Variants in SIK3 observed in about 807,000 individuals in gnomAD.
SIK3 encodes the protein serine/threonine-protein kinase SIK3.
A neutral mutation model predicts 144.2 loss-of-function variants in SIK3; 28 were observed. The observed-to-expected ratio is 0.19, with a 90% CI of 0.14 to 0.27. The LOEUF is 0.27. Among genes scored for constraint, SIK3 ranks in the 10% least tolerant of loss-of-function variants. SIK3 has a pLI of 1.00. For synonymous variants in SIK3, 686 were observed against 676.3 expected (o/e 1.01, Z -0.22); for missense variants, 1,319 against 1,776.0 (o/e 0.74, Z 4.62).
chr11:117,074,137 C>A (rs1954399532), intron 1 of SIK3, among the ~76,000 whole-genome samples: 1 of 152,186 alleles, frequency 6.6e-6, no homozygotes, highest in African/African-American at 2.4e-5. Flanking sequence ...CTTTGGCTTA[C>A]CATACTACTG....
Position 116,869,978 on chromosome 11 carries a change from T to C in SIK3, c.1808+353A>G, listed in dbSNP as rs1460479006. On this transcript the variant is annotated intron_variant, in intron 14 of 24. Coordinates refer to ENST00000445177, the MANE Select transcript of SIK3 (RefSeq NM_001366686.3). ...GATCACTGTCATCCCACATCTCCAATTCCTTTTCAGTAAACAGTTCTTGGC... is the reference window on the plus strand; with the variant it reads ...GATCACTGTCATCCCACATCTCCAACTCCTTTTCAGTAAACAGTTCTTGGC... The C allele has an allele frequency of 4.7e-6, 3 of 631,768 alleles. No homozygotes were observed. The Admixed American group carries it at 9.3e-5, about 19-fold the overall frequency. 39.1% of individuals were successfully genotyped at this position (631,768 alleles called of 1,614,324 possible). A position where few individuals can be genotyped will look rare whatever the true frequency, so the allele number is the denominator to read the frequency against.
At chr11:116,987,526 G>C (rs1950364735) in intron 1 of SIK3, among the ~76,000 whole-genome samples, 1 of 152,108 alleles carries the variant, frequency 6.6e-6, no homozygotes, top group Non-Finnish European at 1.5e-5. Flanking sequence ...CAGAGGTATG[G>C]AAAAGAATAA....
Position 116,857,851 on chromosome 11 carries a change from T to C in SIK3, c.3614A>G (p.Gln1205Arg). 6.2e-7 allele frequency: 1 copy of C among 1,614,244 alleles called. No individual in the cohort carries two copies. The highest frequency in any genetic ancestry group is 8.5e-7 in the Non-Finnish European group (1 of 1,180,052). Residue 1205 changes from glutamine to arginine, a missense_variant, in exon 21 of 25, where the codon CAG becomes CGG. By Grantham distance (43) the Gln-to-Arg change is conservative (BLOSUM62 1). This residue lies in a region of SIK3 where 646 missense variants were observed against 763.7 expected (regional missense o/e 0.85). Transcript: ENST00000445177. Reference protein sequence around the residue: ...QELGIHPYGHQPTAAFSKNKV... With the variant: ...QELGIHPYGHRPTAAFSKNKV... ...ATTTTTACTGAATGCAGCAGTTGGCTGATGACCATAGGGATGTATCCCCAA... is the reference window on the plus strand; with the variant it reads ...ATTTTTACTGAATGCAGCAGTTGGCCGATGACCATAGGGATGTATCCCCAA...
chr11:116,875,537 G>A, intron 9 of SIK3, 86 bp from the exon 10 acceptor site: 1 of 1,415,822 alleles, frequency 7.1e-7, no homozygotes, highest in Non-Finnish European at 9.7e-7. Context: ...GATTGCTAAA[G>A]TCTATGTTTC....
chr11:116,883,934 A>T (rs1944676319), intron 6 of SIK3, among the ~76,000 whole-genome samples: 1 of 146,130 alleles, frequency 6.8e-6, no homozygotes, highest in Non-Finnish European at 1.5e-5. Flanking sequence ...ACTCTGTCTT[A>T]AAAAAAAAAA....
At chr11:116,973,130 T>C (rs978574100) in intron 1 of SIK3, among the ~76,000 whole-genome samples, 1 of 152,128 alleles carries the variant, frequency 6.6e-6, no homozygotes. Flanking sequence ...TGTACAGCCT[T>C]CTGAGACCCT....
intron 1 of SIK3, among the ~76,000 whole-genome samples, chr11:117,044,883 C>T (rs1952891860): frequency 6.6e-6 from 1 of 152,010 alleles, no homozygotes; most frequent in African/African-American, 2.4e-5. Context: ...ACCCCCATTT[C>T]TAAAAAACAA....
chr11:117,013,503 T>C (rs539649922), intron 1 of SIK3, among the ~76,000 whole-genome samples: 1 of 152,136 alleles, frequency 6.6e-6, no homozygotes, highest in Admixed American at 6.6e-5. Flanking sequence ...AAACTTTGTA[T>C]ACCAAACTGG....
intron 1 of SIK3, among the ~76,000 whole-genome samples, chr11:116,983,324 G>A (rs933985042): frequency 3.3e-5 from 5 of 151,474 alleles, no homozygotes; most frequent in Non-Finnish European, 7.4e-5. Context: ...TTGAGGTCAG[G>A]AGTTCGAGAC....
chr11:116,860,982 G>A (rs994170774), intron 19 of SIK3, among the ~76,000 whole-genome samples: 8 of 152,190 alleles, frequency 5.3e-5, no homozygotes, highest in African/African-American at 1.7e-4. Context: ...CAGCCATGTG[G>A]AACTGTGAGT....
chr11:116,877,122 G>T (rs1944298042), intron 6 of SIK3, 80 bp from the exon 7 acceptor site: 9 of 1,187,082 alleles, frequency 7.6e-6, no homozygotes, highest in Non-Finnish European at 1.0e-5. Context: ...GGCAAAGCCA[G>T]CAGGGAGGCT....
At chr11:117,080,347 C>T (rs1051560800) in intron 1 of SIK3, among the ~76,000 whole-genome samples, 1 of 152,060 alleles carries the variant, frequency 6.6e-6, no homozygotes, top group Non-Finnish European at 1.5e-5. Context: ...ATTTTAAGCA[C>T]TCATACTTTG....
At chr11:116,919,527 C>T (rs1398921474) in intron 4 of SIK3, among the ~76,000 whole-genome samples, 10 of 152,124 alleles carry the variant, frequency 6.6e-5, no homozygotes, top group Non-Finnish European at 5.9e-5. Context: ...TTCCAACTTC[C>T]TTAGGTTTAA....
intron 1 of SIK3, among the ~76,000 whole-genome samples, chr11:117,006,180 A>C (rs1349095951): frequency 2.0e-5 from 3 of 152,218 alleles, no homozygotes; most frequent in South Asian, 2.1e-4. Flanking sequence ...AAGCATTCCT[A>C]AAGATCATAT....
intron 1 of SIK3, among the ~76,000 whole-genome samples, chr11:116,969,633 C>T (rs1377018328): frequency 1.3e-5 from 2 of 152,060 alleles, no homozygotes; most frequent in African/African-American, 2.4e-5. Flanking sequence ...ATCAAATGTA[C>T]TTTTCTGGGT....
chr11:116,910,388 T>C (rs1946276668), intron 4 of SIK3, among the ~76,000 whole-genome samples: 1 of 152,216 alleles, frequency 6.6e-6, no homozygotes, highest in South Asian at 2.1e-4. Flanking sequence ...TTAGTAATCT[T>C]TCAGATAATC....
intron 1 of SIK3, among the ~76,000 whole-genome samples, chr11:117,085,629 T>C (rs1274980798): frequency 1.3e-5 from 2 of 152,144 alleles, no homozygotes; most frequent in Admixed American, 6.5e-5. Context: ...TAGGGGTTCA[T>C]TATATTATTC....
chr11:116,897,069 T>C (rs533132712), intron 5 of SIK3, 124 bp downstream of exon 5: 7 of 1,045,528 alleles, frequency 6.7e-6, no homozygotes, highest in Non-Finnish European at 9.4e-6. Context: ...AATTGGGACT[T>C]GAAAGAACAG....
intron 6 of SIK3, among the ~76,000 whole-genome samples, chr11:116,884,102 T>C (rs1457488096): frequency 2.6e-5 from 4 of 152,174 alleles, no homozygotes; most frequent in Non-Finnish European, 5.9e-5. Flanking sequence ...AATGGTGTTA[T>C]AAGGATTGGA....
Sources: allele counts gnomAD v4.1 joint callset (sites outside exome capture counted in the v4.1 genomes callset), GRCh38; gene constraint gnomAD v4.1.1; regional missense constraint gnomAD v4.1.1; transcripts MANE v1.5; gene names NCBI Gene and HGNC (gene_info 2026-07-23, HGNC 2026-07-21).